PFDN1: variants seen among roughly 807,000 people sequenced by gnomAD.
The protein encoded by PFDN1 is prefoldin subunit 1, also known as prefoldin 1.
A neutral mutation model predicts 17.3 loss-of-function variants in PFDN1; 6 were observed. The ratio of observed to expected loss-of-function variants is 0.35; its 90% CI spans 0.19 to 0.69. The LOEUF (loss-of-function observed/expected upper bound fraction) is 0.69. Ranked by LOEUF, PFDN1 falls within the 30% of genes least tolerant of loss-of-function variation. The probability of loss-of-function intolerance (pLI) is 0.65; values close to 1 mark genes in which losing one functional copy is unlikely to be tolerated. For missense variants in PFDN1, 113 were observed against 146.2 expected, an observed-to-expected ratio of 0.77 and a Z score of 1.17; for synonymous variants, 58 against 50.1, an observed-to-expected ratio of 1.16 and a Z score of -0.67.
intron 2 of PFDN1, 103 bp downstream of exon 2, chr5:140,300,313 G>T: frequency 2.5e-6 from 2 of 814,082 alleles, no homozygotes; most frequent in Non-Finnish European, 4.0e-6. Flanking sequence ...ACAGGCATGA[G>T]CCACCACTCC....
intron 3 of PFDN1, among the ~76,000 whole-genome samples, chr5:140,276,341 G>A (rs1051165492): frequency 1.3e-5 from 2 of 152,186 alleles, no homozygotes; most frequent in African/African-American, 4.8e-5. Flanking sequence ...TGAGGAATCA[G>A]AAAATGGTTC....
At chr5:140,286,613 GGGGGGGGC>G (rs1765497571) in intron 2 of PFDN1, among the ~76,000 whole-genome samples, 1 of 51,488 alleles carries the variant, frequency 1.9e-5, no homozygotes, top group Non-Finnish European at 4.6e-5. Flanking sequence ...GGGGGGGGGG[GGGGGGGGC>G]GGGGGAGACA....
chr5:140,269,301 C>T (rs1293780555), intron 3 of PFDN1, among the ~76,000 whole-genome samples: 1 of 151,704 alleles, frequency 6.6e-6, no homozygotes, highest in Non-Finnish European at 1.5e-5. Context: ...GCATGAGCCA[C>T]AGCACCCAGC....
chr5:140,257,222 T>C (rs1214518233), intron 3 of PFDN1, among the ~76,000 whole-genome samples: 2 of 123,076 alleles, frequency 1.6e-5, no homozygotes, highest in Non-Finnish European at 3.4e-5. Context: ...AAACTCCATC[T>C]CAAAAAAAAA....
intron 3 of PFDN1, among the ~76,000 whole-genome samples, chr5:140,280,180 G>T (rs1765379213): frequency 6.6e-6 from 1 of 151,614 alleles, no homozygotes; most frequent in Non-Finnish European, 1.5e-5. Context: ...TTCATAAAGA[G>T]AATTATATAC....
rs1222465017 is a variant in PFDN1 at position 140,254,499 on chromosome 5, G to A, written c.286-8442C>T. Among the ~76,000 whole-genome samples, 2 of 151,990 alleles carry A rather than the reference G, an allele frequency of 1.3e-5. No homozygotes were observed. Among genetic ancestry groups the A allele is most frequent in the Admixed American group, 1.3e-4 (2 of 15,258 alleles). Reference sequence around the variant, plus strand: ...TTGCTTCAATCTTCCAGTATCCTGGGCACTATCCGTCATCATCAGTGGCTC... The same window carrying A: ...TTGCTTCAATCTTCCAGTATCCTGGACACTATCCGTCATCATCAGTGGCTC... On this transcript the variant is annotated intron_variant, in intron 3 of 3. Coordinates refer to ENST00000261813, the MANE Select transcript of PFDN1 (RefSeq NM_002622.5). The surrounding 1 kb of genome is among the most constrained non-coding windows in gnomAD (Gnocchi z 4.4).
chr5:140,246,491 G>A (rs1314050923), intron 3 of PFDN1, among the ~76,000 whole-genome samples: 1 of 152,242 alleles, frequency 6.6e-6, no homozygotes, highest in East Asian at 1.9e-4. Flanking sequence ...AAAATGGATG[G>A]TGCACGCTCT....
At chr5:140,263,530 C>CT (rs1765091599) in intron 3 of PFDN1, among the ~76,000 whole-genome samples, 1 of 152,178 alleles carries the variant, frequency 6.6e-6, no homozygotes, top group African/African-American at 2.4e-5. Flanking sequence ...CTAACACTTG[C>CT]TTTTGCCATT....
chr5:140,257,544 T>TA (rs1327192795), intron 3 of PFDN1, among the ~76,000 whole-genome samples: 1 of 152,210 alleles, frequency 6.6e-6, no homozygotes, highest in East Asian at 1.9e-4. Context: ...CTTCCCCAAT[T>TA]ATTCAACTAA....
At chr5:140,248,072 CTT>C (rs113993165) in intron 3 of PFDN1, among the ~76,000 whole-genome samples, 8 of 142,998 alleles carry the variant, frequency 5.6e-5, no homozygotes, top group East Asian at 2.1e-4. Context: ...ATAAACAACT[CTT>C]TTTTTTTTTT....
intron 3 of PFDN1, among the ~76,000 whole-genome samples, chr5:140,276,935 G>C (rs1234118249): frequency 6.6e-6 from 1 of 151,970 alleles, no homozygotes; most frequent in Non-Finnish European, 1.5e-5. Flanking sequence ...GTTTGAACTG[G>C]TTGGGCACAG....
At chr5:140,261,516 A>G (rs1318559799) in intron 3 of PFDN1, among the ~76,000 whole-genome samples, 1 of 152,190 alleles carries the variant, frequency 6.6e-6, no homozygotes, top group African/African-American at 2.4e-5. Flanking sequence ...GGAAACCCAT[A>G]AAAGGACCGG....
rs897829047 is a variant in PFDN1, at chr5:140,298,475, T to TA, written c.200+1940dup. Reference sequence around the variant, plus strand: ...CCTCCTCCTGTACCTCCCCCCAACTTAAAAAAAAAAAAAATCAGTCTTCTC... The same window carrying TA: ...CCTCCTCCTGTACCTCCCCCCAACTTAAAAAAAAAAAAAAATCAGTCTTCTC... On this transcript the variant is annotated intron_variant, in intron 2 of 3. Coordinates refer to ENST00000261813, the MANE Select transcript of PFDN1 (RefSeq NM_002622.5). Among the ~76,000 whole-genome samples, 646 of 141,688 alleles carry TA rather than the reference T, an allele frequency of 4.6e-3. 4 individuals carry two copies. The highest frequency in any genetic ancestry group is 9.8e-3 in the African/African-American group (378 of 38,718). The allele number at this position is 141,688 out of a possible 152,430, so 93.0% of individuals were successfully genotyped here.
At chr5:140,283,557 T>C (rs1022297422) in intron 2 of PFDN1, among the ~76,000 whole-genome samples, 39 of 152,182 alleles carry the variant, frequency 2.6e-4, no homozygotes, top group Admixed American at 1.3e-4. Flanking sequence ...ATCTTAGTCT[T>C]CAGTAGTAAC....
chr5:140,255,415 G>A (rs1764971782), intron 3 of PFDN1, among the ~76,000 whole-genome samples: 1 of 152,068 alleles, frequency 6.6e-6, no homozygotes, highest in Non-Finnish European at 1.5e-5. Context: ...CAGAACCCTG[G>A]CCGAGAATAT....
intron 2 of PFDN1, among the ~76,000 whole-genome samples, chr5:140,294,685 TAACTA>T (rs1264714871): frequency 2.0e-5 from 3 of 152,184 alleles, no homozygotes; most frequent in South Asian, 2.1e-4. Flanking sequence ...AAAAACTGCT[TAACTA>T]TTTAGATTTT....
chr5:140,261,755 A>C (rs1765068688), intron 3 of PFDN1, among the ~76,000 whole-genome samples: 1 of 152,160 alleles, frequency 6.6e-6, no homozygotes, highest in Admixed American at 6.5e-5. Flanking sequence ...ATCACCCAAG[A>C]AAATGCTGTC....
intron 2 of PFDN1, among the ~76,000 whole-genome samples, chr5:140,296,829 G>T (rs1352129961): frequency 6.6e-6 from 1 of 152,164 alleles, no homozygotes; most frequent in Non-Finnish European, 1.5e-5. Flanking sequence ...GTAGAAGGAG[G>T]TAGGTCCATG....
chr5:140,262,617 A>G, intron 3 of PFDN1: 1 of 454,490 alleles, frequency 2.2e-6, no homozygotes, highest in Non-Finnish European at 4.4e-6. Context: ...CAAGTTGTTG[A>G]AAGATATAAA....
Sources: allele counts gnomAD v4.1 joint callset (sites outside exome capture counted in the v4.1 genomes callset), GRCh38; gene constraint gnomAD v4.1.1; non-coding constraint Gnocchi (gnomAD v3.1); transcripts MANE v1.5; gene names NCBI Gene and HGNC (gene_info 2026-07-23, HGNC 2026-07-21).